Variants in CCBE1 observed in about 807,000 individuals in gnomAD.
The protein encoded by CCBE1 is collagen and calcium binding EGF domains 1, also known as collagen and calcium-binding EGF domain-containing protein 1.
Under a neutral mutation model 50.0 loss-of-function variants are expected in CCBE1, and 37 were observed. The observed-to-expected ratio is 0.74, with a 90% CI of 0.57 to 0.97. CCBE1 has a LOEUF of 0.97. Among genes scored for constraint, CCBE1 ranks in the 50% least tolerant of loss-of-function variants. The probability of loss-of-function intolerance (pLI) is 0.00; values close to 1 mark genes in which losing one functional copy is unlikely to be tolerated. For synonymous variants in CCBE1, 234 were observed against 203.7 expected (o/e 1.15, Z -1.27); for missense variants, 538 against 523.8 (o/e 1.03, Z -0.26).
At chr18:59,653,033 T>C (rs950158591) in intron 2 of CCBE1, among the ~76,000 whole-genome samples, 20 of 152,240 alleles carry the variant, frequency 1.3e-4, no homozygotes, top group Non-Finnish European at 1.0e-4. Flanking sequence ...CTTACTTTTA[T>C]AGAAAACTAT....
At position 59,434,083 on chromosome 18, in the gene CCBE1, T is replaced by C. The variant is rs1456495864; in HGVS notation, c.*1825A>G. The C allele has an allele frequency of 6.7e-6, 1 of 150,208 alleles. No individual in the cohort carries two copies. Among genetic ancestry groups the C allele is most frequent in the African/African-American group, 2.5e-5 (1 of 40,568 alleles). 9.3% of individuals were successfully genotyped at this position (150,208 alleles called of 1,614,324 possible). A position where few individuals can be genotyped will look rare whatever the true frequency, so the allele number is the denominator to read the frequency against. On this transcript the variant is annotated 3_prime_UTR_variant, in exon 11 of 11. Coordinates refer to ENST00000439986, the MANE Select transcript of CCBE1 (RefSeq NM_133459.4). The stretch of plus-strand genomic sequence containing the variant: ...TTTTGTATTTTTAGTAGAGACAGGG[T>C]TTCACCATGTTGGTCAGGCTGGTCT...
chr18:59,539,758 A>G (rs1425310462), intron 2 of CCBE1, among the ~76,000 whole-genome samples: 2 of 152,206 alleles, frequency 1.3e-5, no homozygotes, highest in African/African-American at 4.8e-5. Context: ...TTTTCTCCCA[A>G]AATTTACATT....
chr18:59,675,708 A>G (rs1226565031), intron 2 of CCBE1, among the ~76,000 whole-genome samples: 2 of 152,218 alleles, frequency 1.3e-5, no homozygotes, highest in Admixed American at 1.3e-4. Flanking sequence ...GAGTTTAGAA[A>G]CAGTTATCAA....
At chr18:59,454,978 G>A (rs900344553) in intron 5 of CCBE1, 27 bp from the exon 6 acceptor site, 14 of 1,574,120 alleles carry the variant, frequency 8.9e-6, no homozygotes, top group African/African-American at 5.4e-5. Context: ...GCTCAGTCCT[G>A]TCTGGGAGGC....
At chr18:59,469,260 A>G (rs566913251) in intron 4 of CCBE1, among the ~76,000 whole-genome samples, 22 of 152,330 alleles carry the variant, frequency 1.4e-4, no homozygotes, top group African/African-American at 4.6e-4. Context: ...CTCATTGCCA[A>G]TTAGGACCTT....
intron 2 of CCBE1, among the ~76,000 whole-genome samples, chr18:59,534,157 T>C (rs980588928): frequency 1.5e-4 from 23 of 152,152 alleles, no homozygotes; most frequent in African/African-American, 5.5e-4. Flanking sequence ...TAATGATAAA[T>C]GAATGTTTGA....
intron 2 of CCBE1, among the ~76,000 whole-genome samples, chr18:59,600,592 G>A (rs932315720): frequency 2.0e-5 from 3 of 152,142 alleles, no homozygotes; most frequent in Non-Finnish European, 4.4e-5. Flanking sequence ...TGAAGGATAT[G>A]TGGGAAGATG....
At chr18:59,502,322 G>T (rs917236921) in intron 2 of CCBE1, among the ~76,000 whole-genome samples, 14 of 152,178 alleles carry the variant, frequency 9.2e-5, no homozygotes, top group Non-Finnish European at 1.9e-4. Context: ...AATCCCTGGT[G>T]GGACACAGGC....
chr18:59,679,983 G>C (rs932893097), intron 2 of CCBE1, among the ~76,000 whole-genome samples: 10 of 152,164 alleles, frequency 6.6e-5, no homozygotes, highest in Admixed American at 1.3e-4. Flanking sequence ...CAGCACTTTG[G>C]GAGGCCGAGG....
intron 2 of CCBE1, among the ~76,000 whole-genome samples, chr18:59,526,312 T>G (rs1233019987): frequency 1.3e-5 from 2 of 148,802 alleles, no homozygotes; most frequent in African/African-American, 4.9e-5. Context: ...ATTTGAGATT[T>G]TTTTTTTTTT....
chr18:59,491,743 G>A (rs34280986), intron 2 of CCBE1, among the ~76,000 whole-genome samples: 3,244 of 151,920 alleles, frequency 0.021, 135 homozygotes, highest in East Asian at 0.2. Flanking sequence ...GAGCCCAGTA[G>A]GTGGAGAATG....
intron 2 of CCBE1, among the ~76,000 whole-genome samples, chr18:59,590,663 T>C (rs942051917): frequency 1.3e-5 from 2 of 152,030 alleles, no homozygotes; most frequent in African/African-American, 4.8e-5. Flanking sequence ...CGCACATGAG[T>C]AAGAGGACAG....
At chr18:59,571,337 T>C (rs558781394) in intron 2 of CCBE1, among the ~76,000 whole-genome samples, 3 of 152,252 alleles carry the variant, frequency 2.0e-5, no homozygotes, top group Admixed American at 2.0e-4. Context: ...GGGACATGGA[T>C]GAAGCTGGAA....
At chr18:59,555,688 T>G (rs1225238223) in intron 2 of CCBE1, among the ~76,000 whole-genome samples, 1 of 152,036 alleles carries the variant, frequency 6.6e-6, no homozygotes, top group African/African-American at 2.4e-5. Flanking sequence ...AGGGTCAATG[T>G]TACAGTCACA....
intron 2 of CCBE1, among the ~76,000 whole-genome samples, chr18:59,553,210 G>T (rs1056796375): frequency 8.6e-5 from 11 of 128,138 alleles, no homozygotes; most frequent in African/African-American, 2.8e-4. Context: ...CTACCCTGGA[G>T]AAAGAGTTTA....
intron 2 of CCBE1, among the ~76,000 whole-genome samples, chr18:59,612,340 A>AC (rs201646550): frequency 0.041 from 6,241 of 150,862 alleles, 348 homozygotes; most frequent in African/African-American, 0.13. Flanking sequence ...GAAAAAAAAA[A>AC]AAACAAACAA....
intron 2 of CCBE1, among the ~76,000 whole-genome samples, chr18:59,487,703 G>A (rs1186406409): frequency 1.3e-5 from 2 of 152,100 alleles, no homozygotes; most frequent in Non-Finnish European, 2.9e-5. Flanking sequence ...AGTATTAAGA[G>A]AATCAGAAAA....
intron 2 of CCBE1, among the ~76,000 whole-genome samples, chr18:59,596,152 C>G (rs773458135): frequency 1.3e-5 from 2 of 152,150 alleles, no homozygotes; most frequent in Non-Finnish European, 2.9e-5. Context: ...TAACTTTCCT[C>G]TCATCCCTAT....
intron 7 of CCBE1, among the ~76,000 whole-genome samples, chr18:59,447,324 G>A (rs987938143): frequency 1.3e-5 from 2 of 152,188 alleles, no homozygotes; most frequent in Non-Finnish European, 2.9e-5. Flanking sequence ...TGGGAGTTGG[G>A]GAAGTGGACA....
Sources: allele counts gnomAD v4.1 joint callset (sites outside exome capture counted in the v4.1 genomes callset), GRCh38; gene constraint gnomAD v4.1.1; transcripts MANE v1.5; gene names NCBI Gene and HGNC (gene_info 2026-07-23, HGNC 2026-07-21).